SDK1: variants seen among roughly 807,000 people sequenced by gnomAD.
The protein encoded by SDK1 is sidekick cell adhesion molecule 1.
SDK1 carries 157 observed loss-of-function variants against 245.5 expected under a neutral mutation model. That is an observed-to-expected ratio of 0.64 (90% CI 0.56 to 0.73). The LOEUF (loss-of-function observed/expected upper bound fraction) is 0.73, where lower values mean the gene tolerates loss of function less well. Ranked by LOEUF, SDK1 falls within the 30% of genes least tolerant of loss-of-function variation. The pLI is 0.00. For missense variants in SDK1, 3,583 were observed against 3,002.3 expected (o/e 1.19, Z -4.52); for synonymous variants, 1,647 against 1,278.5 (o/e 1.29, Z -6.15).
intron 1 of SDK1, among the ~76,000 whole-genome samples, chr7:3,434,162 CCT>C (rs1779950376): frequency 6.6e-6 from 1 of 151,612 alleles, no homozygotes; most frequent in Admixed American, 6.6e-5. Context: ...ATTTTTTTTT[CCT>C]CTCTTTTTGA....
intron 2 of SDK1, among the ~76,000 whole-genome samples, chr7:3,626,875 C>T (rs941335645): frequency 6.6e-6 from 1 of 151,922 alleles, no homozygotes; most frequent in Non-Finnish European, 1.5e-5. Context: ...GGGAAAAAAA[C>T]AAATAGATGG....
In SDK1 at chr7:3,474,825, G is replaced by A. The variant is rs111292997; in HGVS notation, c.299-144255G>A. On this transcript the variant is annotated intron_variant, in intron 1 of 44. Transcript: ENST00000404826. ...CCTACCACAACCTCTTCAATGGTGGGGACTATATAGGTGTGCACCATCATA... is the reference window on the plus strand; with the variant it reads ...CCTACCACAACCTCTTCAATGGTGGAGACTATATAGGTGTGCACCATCATA... 3.8e-3 allele frequency among the ~76,000 whole-genome samples: 581 copies of A among 152,172 alleles called. 2 individuals are homozygous for A. Among genetic ancestry groups the A allele is most frequent in the Middle Eastern group, 0.014 (4 of 294 alleles).
chr7:4,068,329 A>G (rs1780030560), intron 20 of SDK1, among the ~76,000 whole-genome samples: 1 of 152,188 alleles, frequency 6.6e-6, no homozygotes, highest in South Asian at 2.1e-4. Flanking sequence ...AGATGAGGAA[A>G]CTGAGGCCCC....
intron 2 of SDK1, among the ~76,000 whole-genome samples, chr7:3,629,374 G>A (rs542038747): frequency 6.6e-6 from 1 of 151,894 alleles, no homozygotes; most frequent in Non-Finnish European, 1.5e-5. Flanking sequence ...TCCTCCAGAG[G>A]GTCCCCCTTT....
chr7:3,438,362 T>C (rs939344138), intron 1 of SDK1, among the ~76,000 whole-genome samples: 4 of 152,238 alleles, frequency 2.6e-5, no homozygotes, highest in Non-Finnish European at 5.9e-5. Context: ...TAGAATATGC[T>C]GTGTATTCGA....
intron 4 of SDK1, among the ~76,000 whole-genome samples, chr7:3,668,354 A>G (rs1402133501): frequency 6.6e-6 from 1 of 152,224 alleles, no homozygotes; most frequent in Non-Finnish European, 1.5e-5. Flanking sequence ...CTGAGAGTTC[A>G]TCAGAGTTAA....
chr7:3,529,250 A>G lies in SDK1; in HGVS notation c.299-89830A>G, dbSNP rs78935633. Among the ~76,000 whole-genome samples, 39 of 152,306 alleles carry G rather than the reference A, an allele frequency of 2.6e-4. No homozygotes were observed. The East Asian group carries it at 5.4e-3, about 21-fold the overall frequency. On this transcript the variant is annotated intron_variant, in intron 1 of 44. Coordinates refer to ENST00000404826, the MANE Select transcript of SDK1 (RefSeq NM_152744.4). Reference sequence around the variant, plus strand: ...CACCCAGAAGGCCTAGGAGCAGTCAATCACTTATCAGCAGTGAGTTTGCCA... The same window carrying G: ...CACCCAGAAGGCCTAGGAGCAGTCAGTCACTTATCAGCAGTGAGTTTGCCA...
chr7:3,825,552 C>T (rs1007965643), intron 5 of SDK1, among the ~76,000 whole-genome samples: 1 of 152,210 alleles, frequency 6.6e-6, no homozygotes, highest in South Asian at 2.1e-4. Flanking sequence ...AATGTCTCCT[C>T]TTCAAACAAC....
chr7:3,843,084 A>C (rs1299739577), intron 5 of SDK1, among the ~76,000 whole-genome samples: 1 of 152,052 alleles, frequency 6.6e-6, no homozygotes, highest in African/African-American at 2.4e-5. Flanking sequence ...GCATTAGAGG[A>C]ATGTCAGCGG....
At chr7:3,782,419 G>A (rs1450909228) in intron 4 of SDK1, among the ~76,000 whole-genome samples, 1 of 152,196 alleles carries the variant, frequency 6.6e-6, no homozygotes, top group African/African-American at 2.4e-5. Context: ...AGTTTACCGT[G>A]AGATTGAGAG....
intron 5 of SDK1, among the ~76,000 whole-genome samples, chr7:3,828,634 T>A (rs768925716): frequency 1.4e-5 from 2 of 148,068 alleles, no homozygotes; most frequent in African/African-American, 2.5e-5. Context: ...AACATTTTTT[T>A]AAGAATTTTT....
At chr7:3,357,736 A>G (rs957993476) in intron 1 of SDK1, among the ~76,000 whole-genome samples, 8 of 151,676 alleles carry the variant, frequency 5.3e-5, no homozygotes, top group Non-Finnish European at 1.2e-4. Context: ...CTTTTTCCCC[A>G]TGACTTGGTC....
In SDK1 at chr7:3,533,921, A is replaced by G. The variant is rs1778790214; in HGVS notation, c.299-85159A>G. 2.7e-5 allele frequency among the ~76,000 whole-genome samples: 4 copies of G among 149,490 alleles called. No homozygotes were observed. The South Asian group carries it at 8.4e-4, about 31-fold the overall frequency. ...TTATTTTCTTGTAAAAACCCTTAAC[A>G]TGAGATCTACCCTCTTAGCAGATTT... On this transcript the variant is annotated intron_variant, in intron 1 of 44. Transcript: ENST00000404826.
chr7:3,853,072 G>A (rs921163850), intron 5 of SDK1, among the ~76,000 whole-genome samples: 3 of 151,974 alleles, frequency 2.0e-5, no homozygotes, highest in African/African-American at 4.8e-5. Context: ...AAACCCACAC[G>A]TGGGAAAAGT....
chr7:4,221,329 C>G lies in SDK1; in HGVS notation c.5792C>G (p.Pro1931Arg). The G allele has an allele frequency of 6.2e-7, 1 of 1,612,594 alleles. No homozygotes were observed. Among genetic ancestry groups the G allele is most frequent in the Non-Finnish European group, 8.5e-7 (1 of 1,179,476 alleles). ...ACTGAGGGACACTCTGGCGACACACCTACCACGGGCTATGTGATCGAGGCC... is the reference window on the plus strand; with the variant it reads ...ACTGAGGGACACTCTGGCGACACACGTACCACGGGCTATGTGATCGAGGCC... ...QWTEGHSGDT[P>R]TTGYVIEARP... The change falls in exon 40 of 45, where the codon CCT becomes CGT. Residue 1931 changes from proline to arginine, a missense_variant. Coordinates refer to ENST00000404826, the MANE Select transcript of SDK1 (RefSeq NM_152744.4).
chr7:3,769,014 A>G (rs891727767), intron 4 of SDK1, among the ~76,000 whole-genome samples: 23 of 152,208 alleles, frequency 1.5e-4, no homozygotes, highest in Admixed American at 3.9e-4. Flanking sequence ...GGTTGTAATT[A>G]TGCCACGTTC....
chr7:3,363,871 G>C (rs1235659173), intron 1 of SDK1, among the ~76,000 whole-genome samples: 1 of 152,150 alleles, frequency 6.6e-6, no homozygotes, highest in Non-Finnish European at 1.5e-5. Flanking sequence ...GGGACCCCTG[G>C]TTTAAGAAAC....
chr7:3,450,820 G>C (rs1360613167), intron 1 of SDK1, among the ~76,000 whole-genome samples: 1 of 152,088 alleles, frequency 6.6e-6, no homozygotes, highest in Non-Finnish European at 1.5e-5. Context: ...AGAGAAGAGG[G>C]ATGAAGATGG....
At chr7:4,260,489 T>C (rs1787919673) in intron 44 of SDK1, among the ~76,000 whole-genome samples, 1 of 124,058 alleles carries the variant, frequency 8.1e-6, no homozygotes, top group Non-Finnish European at 1.7e-5. Flanking sequence ...GATGTGTTCA[T>C]CGTCACCTGA....
Sources: gnomAD v4.1 joint callset for allele counts (sites outside exome capture counted in the v4.1 genomes callset) on GRCh38, gnomAD v4.1.1 for gene constraint, MANE v1.5 for transcripts, NCBI Gene and HGNC (gene_info 2026-07-23, HGNC 2026-07-21) for gene names.